Variants in KCNIP1 observed in about 807,000 individuals in gnomAD.
The protein encoded by KCNIP1 is A-type potassium channel modulatory protein KCNIP1.
Under a neutral mutation model 33.0 loss-of-function variants are expected in KCNIP1, and 18 were observed. The ratio of observed to expected loss-of-function variants is 0.55; its 90% CI spans 0.38 to 0.81. The LOEUF (loss-of-function observed/expected upper bound fraction) is 0.81, where lower values mean the gene tolerates loss of function less well. Among genes scored for constraint, KCNIP1 ranks in the 30% least tolerant of loss-of-function variants. KCNIP1 has a pLI of 0.00. For missense variants in KCNIP1, 238 were observed against 271.6 expected, an observed-to-expected ratio of 0.88 and a Z score of 0.87; for synonymous variants, 93 against 98.3, an observed-to-expected ratio of 0.95 and a Z score of 0.32.
At chr5:170,435,232 G>T (rs900808884) in intron 1 of KCNIP1, among the ~76,000 whole-genome samples, 1 of 152,230 alleles carries the variant, frequency 6.6e-6, no homozygotes, top group African/African-American at 2.4e-5. Flanking sequence ...TTGCTACAAC[G>T]TGTAGCCTCT....
intron 1 of KCNIP1, among the ~76,000 whole-genome samples, chr5:170,715,662 A>G (rs1335473766): frequency 6.6e-6 from 1 of 152,226 alleles, no homozygotes; most frequent in African/African-American, 2.4e-5. Flanking sequence ...TTATGGAACA[A>G]CAGGCATGAG....
intron 1 of KCNIP1, among the ~76,000 whole-genome samples, chr5:170,704,988 C>A (rs979831143): frequency 6.6e-6 from 1 of 152,144 alleles, no homozygotes; most frequent in African/African-American, 2.4e-5. Context: ...GGCTCTCTGG[C>A]AGGATGTGAG....
At chr5:170,668,776 T>G (rs556376822) in intron 1 of KCNIP1, among the ~76,000 whole-genome samples, 10 of 152,322 alleles carry the variant, frequency 6.6e-5, no homozygotes, top group African/African-American at 2.2e-4. Flanking sequence ...GGTCAGTTAT[T>G]AGCATGCTTC....
At chr5:170,380,874 T>A (rs1764211770) in intron 1 of KCNIP1, among the ~76,000 whole-genome samples, 1 of 152,082 alleles carries the variant, frequency 6.6e-6, no homozygotes, top group Non-Finnish European at 1.5e-5. Flanking sequence ...GTAAAATGGG[T>A]TTGTGAGGCT....
intron 1 of KCNIP1, chr5:170,378,704 C>G: frequency 6.2e-7 from 1 of 1,607,142 alleles, no homozygotes; most frequent in Non-Finnish European, 8.5e-7. Flanking sequence ...ATGGATGGCT[C>G]TACTTCTGGG....
intron 1 of KCNIP1, among the ~76,000 whole-genome samples, chr5:170,585,055 A>G (rs1050529839): frequency 3.3e-5 from 5 of 152,168 alleles, no homozygotes; most frequent in Admixed American, 3.3e-4. Flanking sequence ...TTCACAGGTA[A>G]GAAAACTGAG....
intron 7 of KCNIP1, among the ~76,000 whole-genome samples, chr5:170,735,477 A>G (rs962578829): frequency 6.6e-6 from 1 of 152,224 alleles, no homozygotes; most frequent in African/African-American, 2.4e-5. Flanking sequence ...GAAAAAATAT[A>G]ATCATTTCAG....
At chr5:170,499,537 G>GGCTT (rs1224085906), upstream of KCNIP1, among the ~76,000 whole-genome samples, 1 of 152,150 alleles carries the variant, frequency 6.6e-6, no homozygotes, top group Non-Finnish European at 1.5e-5. Flanking sequence ...AGAGTAAAGG[G>GGCTT]GCAAGCTCAG....
At chr5:170,503,929 T>TGC, upstream of KCNIP1, 22 of 499,086 alleles carry the variant, frequency 4.4e-5, no homozygotes, top group Non-Finnish European at 5.4e-5. Context: ...GGGCTGGGCG[T>TGC]CCCCCGCCCC....
rs541610938 is a variant in KCNIP1 at position 170,732,318 on chromosome 5, A to AGT, written c.436-481_436-480insTG. ...ATTCAATAGGTTTGGAGTGGACTTG[A>AGT]GAACTGATCTTTTTAATAAGGGCCT... On this transcript the variant is annotated intron_variant, in intron 5 of 7. Coordinates refer to ENST00000328939, the MANE Select transcript of KCNIP1 (RefSeq NM_014592.4). Among the ~76,000 whole-genome samples the AGT allele has an allele frequency of 3.4e-3, 511 of 152,246 alleles. 3 individuals carry two copies. Among genetic ancestry groups the AGT allele is most frequent in the African/African-American group, 0.012 (489 of 41,544 alleles).
chr5:170,718,488 A>G (rs1182826390), intron 1 of KCNIP1, among the ~76,000 whole-genome samples: 1 of 152,216 alleles, frequency 6.6e-6, no homozygotes. Flanking sequence ...AAATGTTTTC[A>G]TATGGATTTA....
chr5:170,663,100 C>G (rs1326796553), intron 1 of KCNIP1, among the ~76,000 whole-genome samples: 1 of 152,182 alleles, frequency 6.6e-6, no homozygotes, highest in African/African-American at 2.4e-5. Flanking sequence ...CTGAGTGGTA[C>G]TTCAGATCAT....
chr5:170,698,732 G>T (rs564123687), intron 1 of KCNIP1, among the ~76,000 whole-genome samples: 20 of 152,228 alleles, frequency 1.3e-4, no homozygotes, highest in African/African-American at 4.8e-4. Flanking sequence ...TCTTTCTTCA[G>T]AAGGTAGAAA....
intron 1 of KCNIP1, among the ~76,000 whole-genome samples, chr5:170,690,257 C>T (rs1208938487): frequency 1.3e-5 from 2 of 152,198 alleles, no homozygotes; most frequent in Non-Finnish European, 1.5e-5. Context: ...AGCAAAAACT[C>T]CACCTCCCAC....
chr5:170,721,453 T>C (rs973119063), intron 3 of KCNIP1, among the ~76,000 whole-genome samples: 2 of 152,188 alleles, frequency 1.3e-5, no homozygotes, highest in African/African-American at 4.8e-5. Context: ...ATAGCTTATG[T>C]AGTACAGCGG....
chr5:170,369,360 A>T (rs1445814450), intron 1 of KCNIP1, among the ~76,000 whole-genome samples: 2 of 152,250 alleles, frequency 1.3e-5, no homozygotes, highest in Non-Finnish European at 2.9e-5. Flanking sequence ...AACTGTTAGT[A>T]TCAGTGCTAA....
intron 1 of KCNIP1, among the ~76,000 whole-genome samples, chr5:170,519,832 C>A (rs762127750): frequency 6.6e-6 from 1 of 152,062 alleles, no homozygotes; most frequent in African/African-American, 2.4e-5. Flanking sequence ...GCAAGCCCTC[C>A]GCAGAGGGAG....
At chr5:170,488,937 C>T (rs1025566279) in intron 1 of KCNIP1, among the ~76,000 whole-genome samples, 4 of 152,264 alleles carry the variant, frequency 2.6e-5, no homozygotes, top group South Asian at 2.1e-4. Context: ...GAAGCTGAGC[C>T]GGGGCCTGAC....
At chr5:170,714,024 T>TA (rs71575594) in intron 1 of KCNIP1, among the ~76,000 whole-genome samples, 157 of 137,456 alleles carry the variant, frequency 1.1e-3, no homozygotes, top group African/African-American at 1.4e-3. Flanking sequence ...AAATCCATCT[T>TA]AAAAAAAAAA....
Sources: allele counts gnomAD v4.1 joint callset (sites outside exome capture counted in the v4.1 genomes callset), GRCh38; gene constraint gnomAD v4.1.1; transcripts MANE v1.5; gene names NCBI Gene and HGNC (gene_info 2026-07-23, HGNC 2026-07-21).